Variants in MTG1 observed in about 807,000 individuals in gnomAD.
MTG1 encodes mitochondrial ribosome associated GTPase 1.
In MTG1, 30 loss-of-function variants were observed where a neutral mutation model predicts 39.5. The observed-to-expected ratio is 0.76, with a 90% CI of 0.57 to 1.03. MTG1 has a LOEUF of 1.03. MTG1 is among the 50% of genes least tolerant of loss of function. The pLI, the probability that MTG1 is intolerant of heterozygous loss-of-function variation, is 0.00. For synonymous variants in MTG1, 217 were observed against 179.0 expected (o/e 1.21, Z -1.69); for missense variants, 513 against 447.4 (o/e 1.15, Z -1.32).
At chr10:133,408,556 A>G (rs1850001825) in intron 9 of MTG1, among the ~76,000 whole-genome samples, 1 of 152,130 alleles carries the variant, frequency 6.6e-6, no homozygotes, top group Non-Finnish European at 1.5e-5. Context: ...GTAGGAGGAT[A>G]ATGCCATATA....
At chr10:133,406,609 C>T (rs7093367) in intron 9 of MTG1, among the ~76,000 whole-genome samples, 7,090 of 150,752 alleles carry the variant, frequency 0.047, 520 homozygotes, top group African/African-American at 0.16. Context: ...TTTCCAGAAG[C>T]GTTTCCCTTA....
intron 9 of MTG1, among the ~76,000 whole-genome samples, chr10:133,406,940 C>T (rs1271330199): frequency 6.6e-6 from 1 of 152,138 alleles, no homozygotes; most frequent in Non-Finnish European, 1.5e-5. Flanking sequence ...CCGCACCCGG[C>T]CAGATTTAAG....
intron 6 of MTG1, 55 bp from the exon 7 acceptor site, chr10:133,401,474 C>T: frequency 1.4e-6 from 2 of 1,456,596 alleles, no homozygotes; most frequent in Admixed American, 2.2e-5. Context: ...CCTACTTGTT[C>T]TGCAGCTTCT....
intron 3 of MTG1, among the ~76,000 whole-genome samples, chr10:133,396,900 A>G (rs573538757): frequency 6.6e-6 from 1 of 152,292 alleles, no homozygotes; most frequent in South Asian, 2.1e-4. Context: ...GCCCGTTGCC[A>G]AGCCGACTGT....
At chr10:133,416,679 T>G (rs1850138870) in intron 9 of MTG1, among the ~76,000 whole-genome samples, 1 of 146,608 alleles carries the variant, frequency 6.8e-6, no homozygotes, top group Admixed American at 6.9e-5. Flanking sequence ...TTGCGATAGT[T>G]TACTGAGAAT....
intron 1 of MTG1, 193 bp downstream of exon 1, chr10:133,394,525 G>A: frequency 7.4e-7 from 1 of 1,344,448 alleles, no homozygotes; most frequent in South Asian, 1.8e-5. Flanking sequence ...CTGCGCAGCT[G>A]CGGGAGAGGC....
chr10:133,402,917 C>A lies in MTG1; in HGVS notation c.752+144C>A. On this transcript the variant is annotated intron_variant, in intron 9 of 10. Coordinates refer to ENST00000317502, the MANE Select transcript of MTG1 (RefSeq NM_138384.4). The surrounding 1 kb of genome is among the most constrained non-coding windows in gnomAD (Gnocchi z 4.7). Reference sequence around the variant, plus strand: ...ACATCGTTTAAAGCGTCCAGTTGGACAAGTTCGGGAGTATGGCTATACGTC... The same window carrying A: ...ACATCGTTTAAAGCGTCCAGTTGGAAAAGTTCGGGAGTATGGCTATACGTC... The A allele has an allele frequency of 1.6e-6, 1 of 643,288 alleles. No homozygotes were observed. The highest frequency in any genetic ancestry group is 2.6e-6 in the Non-Finnish European group (1 of 377,484). 39.8% of individuals were successfully genotyped at this position (643,288 alleles called of 1,614,324 possible). A position where few individuals can be genotyped will look rare whatever the true frequency, so the allele number is the denominator to read the frequency against.
At position 133,422,518 on chromosome 10, in the gene MTG1, C is replaced by A. The variant is rs772423880; in HGVS notation, c.*2353C>A. The A allele has an allele frequency of 3.3e-5, 5 of 152,332 alleles. No individual in the cohort carries two copies. Among genetic ancestry groups the A allele is most frequent in the Non-Finnish European group, 7.3e-5 (5 of 68,146 alleles). The allele number at this position is 152,332 out of a possible 1,614,324, so 9.4% of individuals were successfully genotyped here. ...CTAAGGAGGGTAAAGTGACTTGTTT[C>A]AAGTTGTTGGAGCAAAGTGGGTCTC... is the stretch of plus-strand genomic sequence containing the variant. On this transcript the variant is annotated 3_prime_UTR_variant, in exon 11 of 11. Coordinates refer to ENST00000317502, the MANE Select transcript of MTG1 (RefSeq NM_138384.4).
chr10:133,401,952 A>G, intron 7 of MTG1, 197 bp from the exon 8 acceptor site: 1 of 594,724 alleles, frequency 1.7e-6, no homozygotes. Flanking sequence ...TGACGCTTTT[A>G]TTTATTCTCC....
At chr10:133,407,625 A>G (rs1022407723) in intron 9 of MTG1, among the ~76,000 whole-genome samples, 4 of 150,928 alleles carry the variant, frequency 2.7e-5, no homozygotes, top group African/African-American at 7.3e-5. Context: ...CTGGAGTGCA[A>G]TGGCATGATC....
At chr10:133,395,079 C>A (rs1849760688) in intron 1 of MTG1, among the ~76,000 whole-genome samples, 1 of 152,204 alleles carries the variant, frequency 6.6e-6, no homozygotes, top group Non-Finnish European at 1.5e-5. Flanking sequence ...GCCAGTGTTA[C>A]TCTGTGTTAT....
Position 133,419,428 on chromosome 10 carries a change from C to G in MTG1, c.753-52C>G. 6 of 1,487,450 alleles carry G rather than the reference C, an allele frequency of 4.0e-6. No homozygotes were observed. The South Asian group carries it at 6.1e-5, about 15-fold the overall frequency. The allele number at this position is 1,487,450 out of a possible 1,614,324, so 92.1% of individuals were successfully genotyped here. A position where few individuals can be genotyped will look rare whatever the true frequency, so the allele number is the denominator to read the frequency against. The stretch of plus-strand genomic sequence containing the variant: ...GGAGGAAGGGCCCGGCCTGGCTGGC[C>G]GCGCGGTGTCAGTGCTGGGCCCCCT... On this transcript the variant is annotated intron_variant, in intron 9 of 10. Coordinates refer to ENST00000317502, the MANE Select transcript of MTG1 (RefSeq NM_138384.4).
At chr10:133,408,880 A>G (rs992528428) in intron 9 of MTG1, among the ~76,000 whole-genome samples, 5 of 151,790 alleles carry the variant, frequency 3.3e-5, no homozygotes, top group African/African-American at 9.7e-5. Flanking sequence ...TTTCTGTGGT[A>G]TTGGTTGTAA....
intron 9 of MTG1, among the ~76,000 whole-genome samples, chr10:133,406,097 G>A (rs1015320431): frequency 1.3e-5 from 2 of 152,102 alleles, no homozygotes; most frequent in African/African-American, 4.8e-5. Flanking sequence ...GTCATGTTGA[G>A]CATTTTTTCA....
intron 9 of MTG1, among the ~76,000 whole-genome samples, chr10:133,405,235 A>G (rs192558363): frequency 2.3e-4 from 35 of 152,284 alleles, no homozygotes; most frequent in Admixed American, 2.2e-3. Flanking sequence ...TAAGATTTAT[A>G]TTGAACTCTT....
Position 133,413,013 on chromosome 10 carries a change from C to T in MTG1, c.753-6467C>T, listed in dbSNP as rs1019166238. Among the ~76,000 whole-genome samples, 7 of 152,312 alleles carry T rather than the reference C, an allele frequency of 4.6e-5. No individual in the cohort carries two copies. The East Asian group carries it at 1.3e-3, about 29-fold the overall frequency. On this transcript the variant is annotated intron_variant, in intron 9 of 10. Transcript: ENST00000317502. ...AACGCTCAGGAGATTGTTATGTCCT[C>T]TTGATGATTTGATGCCTTTATCATT...
chr10:133,410,952 A>G (rs1850037456), intron 9 of MTG1, among the ~76,000 whole-genome samples: 1 of 151,944 alleles, frequency 6.6e-6, no homozygotes, highest in African/African-American at 2.4e-5. Flanking sequence ...TGCTGTAGTT[A>G]TTATTTTTGA....
At chr10:133,416,490 T>C (rs1448413714) in intron 9 of MTG1, among the ~76,000 whole-genome samples, 2 of 151,488 alleles carry the variant, frequency 1.3e-5, no homozygotes, top group East Asian at 3.9e-4. Flanking sequence ...GCCATGCTGG[T>C]GTACTGCACC....
At chr10:133,395,211 T>C (rs376134266) in intron 1 of MTG1, among the ~76,000 whole-genome samples, 1 of 152,098 alleles carries the variant, frequency 6.6e-6, no homozygotes, top group African/African-American at 2.4e-5. Flanking sequence ...CTGGCCAGCA[T>C]GGTGAAACCG....
Sources: gnomAD v4.1 joint callset for allele counts (sites outside exome capture counted in the v4.1 genomes callset) on GRCh38, gnomAD v4.1.1 for gene constraint, Gnocchi (gnomAD v3.1) non-coding constraint, MANE v1.5 for transcripts, NCBI Gene and HGNC (gene_info 2026-07-23, HGNC 2026-07-21) for gene names.